The following WDR82 variants were observed in gnomAD, a reference collection of about 807,000 sequenced individuals.
WDR82 encodes WD repeat domain 82.
WDR82 carries 8 observed loss-of-function variants against 36.1 expected under a neutral mutation model. That is an observed-to-expected ratio of 0.22 (90% CI 0.13 to 0.40). WDR82 has a LOEUF of 0.40. Among genes scored for constraint, WDR82 ranks in the 10% least tolerant of loss-of-function variants. The pLI is 1.00. For missense variants in WDR82, 185 were observed against 400.5 expected, an observed-to-expected ratio of 0.46 and a Z score of 4.59; for synonymous variants, 129 against 137.8, an observed-to-expected ratio of 0.94 and a Z score of 0.45.
chr3:52,258,199 G>A (rs918485533), intron 8 of WDR82, among the ~76,000 whole-genome samples: 5 of 152,150 alleles, frequency 3.3e-5, no homozygotes, highest in African/African-American at 4.8e-5. Context: ...ACAAAAGGCC[G>A]GTTCAGAGTA....
chr3:52,260,526 C>T (rs771011442), intron 4 of WDR82, 25 bp from the exon 5 acceptor site: 10 of 1,479,080 alleles, frequency 6.8e-6, no homozygotes, highest in Non-Finnish European at 8.2e-6. Flanking sequence ...ATAAGAAATA[C>T]ACTAAAACAC....
intron 8 of WDR82, 119 bp downstream of exon 8, chr3:52,258,417 T>A: frequency 1.7e-6 from 2 of 1,167,262 alleles, no homozygotes; most frequent in Non-Finnish European, 2.5e-6. Flanking sequence ...TTGAGAAACA[T>A]GTACTTGGAT....
At chr3:52,258,784 CA>C in intron 7 of WDR82, 106 bp from the exon 8 acceptor site, 1 of 1,507,678 alleles carries the variant, frequency 6.6e-7, no homozygotes, top group Non-Finnish European at 8.9e-7. Context: ...CTTTAGGACC[CA>C]TCCCTCAGGC....
At chr3:52,269,216 T>G (rs1700131970) in intron 2 of WDR82, among the ~76,000 whole-genome samples, 1 of 152,186 alleles carries the variant, frequency 6.6e-6, no homozygotes, top group African/African-American at 2.4e-5. Flanking sequence ...GGTTCACACC[T>G]GTAATCCCAG....
chr3:52,269,545 A>G (rs531410715), intron 2 of WDR82, among the ~76,000 whole-genome samples: 1 of 152,110 alleles, frequency 6.6e-6, no homozygotes, highest in East Asian at 1.9e-4. Context: ...CCTGGCTAAC[A>G]TGGTGAAACC....
intron 3 of WDR82, among the ~76,000 whole-genome samples, chr3:52,263,659 G>GT (rs1700080541): frequency 6.6e-6 from 1 of 152,224 alleles, no homozygotes; most frequent in South Asian, 2.1e-4. Flanking sequence ...GAACTAAATA[G>GT]TTTAACAACT....
At chr3:52,259,650 C>G in intron 6 of WDR82, 67 bp downstream of exon 6, 3 of 1,540,496 alleles carry the variant, frequency 1.9e-6, no homozygotes. Context: ...CACCAACCAG[C>G]TAACATAATT....
chr3:52,266,419 C>T (rs1053824112), intron 3 of WDR82, among the ~76,000 whole-genome samples: 2 of 151,598 alleles, frequency 1.3e-5, no homozygotes, highest in Non-Finnish European at 2.9e-5. Flanking sequence ...ATAGATATAC[C>T]TATAACTAGA....
chr3:52,272,549 A>AAAAAAAAAAAT (rs1242977803), intron 1 of WDR82, among the ~76,000 whole-genome samples: 1 of 152,022 alleles, frequency 6.6e-6, no homozygotes, highest in Non-Finnish European at 1.5e-5. Flanking sequence ...ATCTCAAAAA[A>AAAAAAAAAAAT]AAAAAAAAGA....
chr3:52,277,254 C>T (rs1700212938), intron 1 of WDR82, among the ~76,000 whole-genome samples: 1 of 151,952 alleles, frequency 6.6e-6, no homozygotes, highest in Non-Finnish European at 1.5e-5. Context: ...AGTCCACAGG[C>T]GTGCGGTGAG....
intron 3 of WDR82, among the ~76,000 whole-genome samples, chr3:52,261,926 A>G (rs974573220): frequency 6.6e-5 from 10 of 152,194 alleles, no homozygotes; most frequent in African/African-American, 2.4e-4. Flanking sequence ...GATAACTGAA[A>G]ATATATGTCC....
chr3:52,266,639 C>T (rs1194660784), intron 3 of WDR82, among the ~76,000 whole-genome samples: 1 of 152,000 alleles, frequency 6.6e-6, no homozygotes, highest in Non-Finnish European at 1.5e-5. Context: ...GGTTTTGACA[C>T]GTTGGCCTGG....
chr3:52,269,096 T>C (rs1700130708), intron 2 of WDR82, among the ~76,000 whole-genome samples: 2 of 152,202 alleles, frequency 1.3e-5, no homozygotes. Flanking sequence ...ATTACAGGCA[T>C]GAGCCACTAT....
chr3:52,260,439 A>G lies in WDR82; in HGVS notation c.489T>C (p.Ala163=). ...CSFDPEGLIF[A]AGVNSEMVKL... is the part of the protein sequence containing the mutation. ...TGACCATTTCAGAGTTGACACCTGC[A>G]GCGAAAATTAACCCTTCTGGATCAA... Residue 163 remains alanine (A), a synonymous_variant, in exon 5 of 9, where the codon GCT becomes GCC. Transcript: ENST00000296490. 1 of 1,596,052 alleles carries G rather than the reference A, an allele frequency of 6.3e-7. No homozygotes were observed. The highest frequency in any genetic ancestry group is 8.5e-7 in the Non-Finnish European group (1 of 1,173,788).
chr3:52,266,877 T>C, intron 3 of WDR82, 75 bp downstream of exon 3: 1 of 1,291,086 alleles, frequency 7.7e-7, no homozygotes, highest in Non-Finnish European at 1.1e-6. Flanking sequence ...ACTAATAAGC[T>C]CTCTCTAGCC....
chr3:52,271,213 A>G (rs1700150518), intron 1 of WDR82, among the ~76,000 whole-genome samples: 1 of 152,258 alleles, frequency 6.6e-6, no homozygotes, highest in Non-Finnish European at 1.5e-5. Flanking sequence ...TTCATTTTTT[A>G]AATCCCTTAA....
rs1196028078 is a variant in WDR82 at position 52,278,461 on chromosome 3, G to A, written c.-100C>T. 8 of 1,049,512 alleles carry A rather than the reference G, an allele frequency of 7.6e-6. No homozygotes were observed. The highest frequency in any genetic ancestry group is 9.5e-6 in the Non-Finnish European group (8 of 842,342). The allele number at this position is 1,049,512 out of a possible 1,614,324, so 65.0% of individuals were successfully genotyped here. A position where few individuals can be genotyped will look rare whatever the true frequency, so the allele number is the denominator to read the frequency against. On this transcript the variant is annotated 5_prime_UTR_variant, in exon 1 of 9. Coordinates refer to ENST00000296490, the MANE Select transcript of WDR82 (RefSeq NM_025222.4). ...GGCCAACCCAGGCGGGGCGGGCGCCGCGCCGGCGGCTAGCGGGAAGTCGGC... is the reference window on the plus strand; with the variant it reads ...GGCCAACCCAGGCGGGGCGGGCGCCACGCCGGCGGCTAGCGGGAAGTCGGC...
chr3:52,278,475 C>T lies in WDR82; in HGVS notation c.-114G>A. On this transcript the variant is annotated 5_prime_UTR_variant, in exon 1 of 9. Coordinates refer to ENST00000296490, the MANE Select transcript of WDR82 (RefSeq NM_025222.4). ...GGGCGGGCGCCGCGCCGGCGGCTAG[C>T]GGGAAGTCGGCCAACAGTTGGGCCG... 2.0e-6 allele frequency: 2 copies of T among 999,216 alleles called. No homozygotes were observed. The highest frequency in any genetic ancestry group is 1.7e-5 in the African/African-American group (1 of 58,902). 61.9% of individuals were successfully genotyped at this position (999,216 alleles called of 1,614,324 possible). A position where few individuals can be genotyped will look rare whatever the true frequency, so the allele number is the denominator to read the frequency against.
rs1700014555 is a variant in WDR82, at chr3:52,256,917, T to G, written c.*573A>C. 1 of 152,764 alleles carries G rather than the reference T, an allele frequency of 6.5e-6. No individual in the cohort carries two copies. Among genetic ancestry groups the G allele is most frequent in the Admixed American group, 6.5e-5 (1 of 15,288 alleles). The allele number at this position is 152,764 out of a possible 1,614,324, so 9.5% of individuals were successfully genotyped here. On this transcript the variant is annotated 3_prime_UTR_variant, in exon 9 of 9. Coordinates refer to ENST00000296490, the MANE Select transcript of WDR82 (RefSeq NM_025222.4). ...ACTGCATGGCTTCCTGCAAGCAAGG[T>G]CCTTCTGTATCTGTCCCTTTCTCTG... is the stretch of plus-strand genomic sequence containing the variant.
Sources: allele counts gnomAD v4.1 joint callset (sites outside exome capture counted in the v4.1 genomes callset), GRCh38; gene constraint gnomAD v4.1.1; transcripts MANE v1.5; gene names NCBI Gene and HGNC (gene_info 2026-07-23, HGNC 2026-07-21).